Variants in SYNGR3 observed in about 807,000 individuals in gnomAD.
SYNGR3 encodes the protein synaptogyrin-3.
In SYNGR3, 10 loss-of-function variants were observed where a neutral mutation model predicts 18.5. The observed-to-expected ratio is 0.54, with a 90% CI of 0.33 to 0.92. The LOEUF is 0.92. Ranked by LOEUF, SYNGR3 falls within the 40% of genes least tolerant of loss-of-function variation. SYNGR3 has a pLI of 0.02. For synonymous variants in SYNGR3, 188 were observed against 157.2 expected (o/e 1.20, Z -1.47); for missense variants, 335 against 332.8 (o/e 1.01, Z -0.05).
In SYNGR3 at chr16:1,990,179, C is replaced by T. The variant is rs2083594884; in HGVS notation, c.77C>T (p.Thr26Ile). The T allele has an allele frequency of 7.8e-7, 1 of 1,279,648 alleles. No individual in the cohort carries two copies. Among genetic ancestry groups the T allele is most frequent in the Non-Finnish European group, 9.9e-7 (1 of 1,011,886 alleles). 79.3% of individuals were successfully genotyped at this position (1,279,648 alleles called of 1,614,324 possible). The change falls in exon 1 of 4, where the codon ACC (threonine) becomes ATC (isoleucine). Residue 26 changes from threonine to isoleucine, a missense_variant. By Grantham distance (89) the Thr-to-Ile change is moderately conservative. Coordinates refer to ENST00000248121, the MANE Select transcript of SYNGR3 (RefSeq NM_004209.6). ...DPVSFARRPQTLLRVASWVFS... is the reference protein window; with the variant it reads ...DPVSFARRPQILLRVASWVFS... ...GTGAGCTTTGCGCGGCGGCCCCAGACCCTGCTCCGGGTCGCGTCCTGGGTG... is the reference window on the plus strand; with the variant it reads ...GTGAGCTTTGCGCGGCGGCCCCAGATCCTGCTCCGGGTCGCGTCCTGGGTG...
In SYNGR3 at chr16:1,993,762, C is replaced by A. The variant is rs2083617422; in HGVS notation, c.*690C>A. On this transcript the variant is annotated 3_prime_UTR_variant, in exon 4 of 4. Coordinates refer to ENST00000248121, the MANE Select transcript of SYNGR3 (RefSeq NM_004209.6). Reference sequence around the variant, plus strand: ...CTGTGGGCCAAGACACCAGCCCTGTCCTAGCCCTTCAGTAAGACCTTGCCA... The same window carrying A: ...CTGTGGGCCAAGACACCAGCCCTGTACTAGCCCTTCAGTAAGACCTTGCCA... 1 of 366,206 alleles carries A rather than the reference C, an allele frequency of 2.7e-6. No homozygotes were observed. The highest frequency in any genetic ancestry group is 5.5e-6 in the Non-Finnish European group (1 of 183,424). 22.7% of individuals were successfully genotyped at this position (366,206 alleles called of 1,614,324 possible).
rs553006731 is a variant in SYNGR3 at position 1,992,621 on chromosome 16, C to T, written c.338-15C>T. On this transcript the variant is annotated splice_polypyrimidine_tract_variant and intron_variant, in intron 2 of 3. Coordinates refer to ENST00000248121, the MANE Select transcript of SYNGR3 (RefSeq NM_004209.6). ...CCGCGTGGAGCGTCGCCCTGACGCG[C>T]CGCACTGTTCGCAGGACTCTGGTCC... 16 of 1,595,908 alleles carry T rather than the reference C, an allele frequency of 1.0e-5. No homozygotes were observed. The African/African-American group carries it at 1.4e-4, about 14-fold the overall frequency.
chr16:1,993,285 G>A lies in SYNGR3; in HGVS notation c.*213G>A. The A allele has an allele frequency of 1.6e-6, 1 of 639,214 alleles. No homozygotes were observed. Among genetic ancestry groups the A allele is most frequent in the African/African-American group, 1.8e-5 (1 of 55,146 alleles). The allele number at this position is 639,214 out of a possible 1,614,324, so 39.6% of individuals were successfully genotyped here. A position where few individuals can be genotyped will look rare whatever the true frequency, so the allele number is the denominator to read the frequency against. ...CTCAGCACCTGGCCCCAGGACTGAG[G>A]TCCTGAGAAGGGGATAGCACTGCCC... On this transcript the variant is annotated 3_prime_UTR_variant, in exon 4 of 4. Coordinates refer to ENST00000248121, the MANE Select transcript of SYNGR3 (RefSeq NM_004209.6).
chr16:1,991,917 A>C (rs2083605860), intron 1 of SYNGR3, 57 bp from the exon 2 acceptor site: 1 of 1,488,566 alleles, frequency 6.7e-7, no homozygotes, highest in Middle Eastern at 2.4e-4. Context: ...TGGGCGCTCG[A>C]GGCGGGCTCG....
At position 1,993,883 on chromosome 16, in the gene SYNGR3, GC is replaced by G; in HGVS notation, c.*815del. The G allele has an allele frequency of 3.2e-6, 1 of 308,820 alleles. No homozygotes were observed. The highest frequency in any genetic ancestry group is 6.5e-6 in the Non-Finnish European group (1 of 154,866). The allele number at this position is 308,820 out of a possible 1,614,324, so 19.1% of individuals were successfully genotyped here. A position where few individuals can be genotyped will look rare whatever the true frequency, so the allele number is the denominator to read the frequency against. ...GCTGGCCACCGTGCCCCACAAGATG[GC>G]CCCTGTGTGGTTCCCTTTACCTTGG... On this transcript the variant is annotated 3_prime_UTR_variant, in exon 4 of 4. Coordinates refer to ENST00000248121, the MANE Select transcript of SYNGR3 (RefSeq NM_004209.6).
At chr16:1,992,288 C>T in intron 2 of SYNGR3, 77 bp downstream of exon 2, 1 of 959,716 alleles carries the variant, frequency 1.0e-6, no homozygotes, top group Non-Finnish European at 1.4e-6. Context: ...GCGGGGAACA[C>T]CGCTGGAGTT....
At chr16:1,992,467 C>CT in intron 2 of SYNGR3, 169 bp from the exon 3 acceptor site, 1 of 1,018,516 alleles carries the variant, frequency 9.8e-7, no homozygotes, top group Non-Finnish European at 1.3e-6. Flanking sequence ...GGGTCTGGCG[C>CT]TCCCGGGTGG....
chr16:1,993,118 C>A lies in SYNGR3; in HGVS notation c.*46C>A. 4.5e-6 allele frequency: 7 copies of A among 1,567,860 alleles called. No individual in the cohort carries two copies. The highest frequency in any genetic ancestry group is 5.2e-6 in the Non-Finnish European group (6 of 1,157,552). ...GGGCTCCAAGGCCACCCCACCAACG[C>A]AGGCCCCAGGGTCTCCGGGACCTCC... On this transcript the variant is annotated 3_prime_UTR_variant, in exon 4 of 4. Coordinates refer to ENST00000248121, the MANE Select transcript of SYNGR3 (RefSeq NM_004209.6).
In SYNGR3 at chr16:1,992,628, G is replaced by T; in HGVS notation, c.338-8G>T. 6.2e-7 allele frequency: 1 copy of T among 1,600,486 alleles called. No homozygotes were observed. The highest frequency in any genetic ancestry group is 8.5e-7 in the Non-Finnish European group (1 of 1,175,788). On this transcript the variant is annotated splice_polypyrimidine_tract_variant and splice_region_variant and intron_variant, in intron 2 of 3. Coordinates refer to ENST00000248121, the MANE Select transcript of SYNGR3 (RefSeq NM_004209.6). ...GAGCGTCGCCCTGACGCGCCGCACT[G>T]TTCGCAGGACTCTGGTCCTTCCTGT...
intron 1 of SYNGR3, chr16:1,990,604 C>G (rs1043362184): frequency 5.0e-6 from 2 of 401,924 alleles, no homozygotes; most frequent in Non-Finnish European, 1.0e-5. Context: ...AAGCGCCTCC[C>G]CTTCCCCCGC....
Position 1,993,107 on chromosome 16 carries a change from C to A in SYNGR3, c.*35C>A. On this transcript the variant is annotated 3_prime_UTR_variant, in exon 4 of 4. Transcript: ENST00000248121. ...GGCACAGACCAGGGCTCCAAGGCCA[C>A]CCCACCAACGCAGGCCCCAGGGTCT... 1 of 1,583,060 alleles carries A rather than the reference C, an allele frequency of 6.3e-7. No individual in the cohort carries two copies. Among genetic ancestry groups the A allele is most frequent in the African/African-American group, 1.4e-5 (1 of 74,014 alleles).
chr16:1,990,242 T>G, intron 1 of SYNGR3, 41 bp downstream of exon 1: 3 of 1,130,812 alleles, frequency 2.7e-6, no homozygotes, highest in Non-Finnish European at 3.4e-6. Flanking sequence ...CGCCCCTGCC[T>G]CGCGACCTTC....
In SYNGR3 at chr16:1,993,479, C is replaced by G. The variant is rs1201151390; in HGVS notation, c.*407C>G. 2.1e-6 allele frequency: 1 copy of G among 482,610 alleles called. No individual in the cohort carries two copies. The highest frequency in any genetic ancestry group is 2.3e-5 in the Admixed American group (1 of 43,276). 29.9% of individuals were successfully genotyped at this position (482,610 alleles called of 1,614,324 possible). ...GAAAGACACCACCCTCGCCCCAAGA[C>G]TGGGGATCCTGGCCACTGTTCCCAT... On this transcript the variant is annotated 3_prime_UTR_variant, in exon 4 of 4. Coordinates refer to ENST00000248121, the MANE Select transcript of SYNGR3 (RefSeq NM_004209.6).
chr16:1,990,855 G>A (rs2083599900), intron 1 of SYNGR3, among the ~76,000 whole-genome samples: 1 of 152,248 alleles, frequency 6.6e-6, no homozygotes, highest in Non-Finnish European at 1.5e-5. Context: ...GCAACCTCTG[G>A]GCCAGCCGCA....
At position 1,991,946 on chromosome 16, in the gene SYNGR3, A is replaced by G. The variant is rs750852865; in HGVS notation, c.100-28A>G. Reference sequence around the variant, plus strand: ...GGGCTCGCAGAGGTCGGGTCGCCGCAGGGCCCTGAGCGCCGCGCCGCACGC... The same window carrying G: ...GGGCTCGCAGAGGTCGGGTCGCCGCGGGGCCCTGAGCGCCGCGCCGCACGC... On this transcript the variant is annotated intron_variant, in intron 1 of 3. Coordinates refer to ENST00000248121, the MANE Select transcript of SYNGR3 (RefSeq NM_004209.6). The G allele has an allele frequency of 1.3e-5, 20 of 1,562,878 alleles. 1 individual carries two copies. The South Asian group carries it at 2.3e-4, about 18-fold the overall frequency.
chr16:1,991,906 G>A, intron 1 of SYNGR3, 68 bp from the exon 2 acceptor site: 1 of 1,415,566 alleles, frequency 7.1e-7, no homozygotes, highest in African/African-American at 1.5e-5. Context: ...GCCCAGGGGC[G>A]TGGGCGCTCG....
Position 1,992,186 on chromosome 16 carries a change from G to A in SYNGR3, c.312G>A (p.Ala104=), listed in dbSNP as rs976227383. 3 of 1,440,344 alleles carry A rather than the reference G, an allele frequency of 2.1e-6. No homozygotes were observed. The highest frequency in any genetic ancestry group is 2.7e-6 in the Non-Finnish European group (3 of 1,097,708). The allele number at this position is 1,440,344 out of a possible 1,614,324, so 89.2% of individuals were successfully genotyped here. ...QISSVRDRRR[A]VLLDLGFSGL... ...GCAGCGTCCGCGACCGCCGGCGCGC[G>A]GTGTTGCTGGACCTGGGCTTCTCAG... is the stretch of plus-strand genomic sequence containing the variant. The change falls in exon 2 of 4, where the codon GCG becomes GCA. Residue 104 remains alanine, a synonymous_variant. Coordinates refer to ENST00000248121, the MANE Select transcript of SYNGR3 (RefSeq NM_004209.6).
Position 1,993,252 on chromosome 16 carries a change from C to A in SYNGR3, c.*180C>A. The A allele has an allele frequency of 1.4e-6, 1 of 726,740 alleles. No individual in the cohort carries two copies. Among genetic ancestry groups the A allele is most frequent in the Non-Finnish European group, 2.3e-6 (1 of 443,572 alleles). 45.0% of individuals were successfully genotyped at this position (726,740 alleles called of 1,614,324 possible). On this transcript the variant is annotated 3_prime_UTR_variant, in exon 4 of 4. Coordinates refer to ENST00000248121, the MANE Select transcript of SYNGR3 (RefSeq NM_004209.6). ...GTCTGGGCTGCCCCTGCCAAGTTCC[C>A]CCAGTCCCTCAGCACCTGGCCCCAG...
At chr16:1,991,940 C>T (rs763663860) in intron 1 of SYNGR3, 34 bp from the exon 2 acceptor site, 2 of 1,547,218 alleles carry the variant, frequency 1.3e-6, no homozygotes, top group Admixed American at 1.9e-5. Flanking sequence ...GAGGTCGGGT[C>T]GCCGCAGGGC....
Sources: gnomAD v4.1 joint callset for allele counts (sites outside exome capture counted in the v4.1 genomes callset) on GRCh38, gnomAD v4.1.1 for gene constraint, MANE v1.5 for transcripts, NCBI Gene and HGNC (gene_info 2026-07-23, HGNC 2026-07-21) for gene names.